Variants in KCNIP4 observed in about 807,000 individuals in gnomAD.
The protein encoded by KCNIP4 is Kv channel-interacting protein 4.
A neutral mutation model predicts 34.0 loss-of-function variants in KCNIP4; 12 were observed. That is an observed-to-expected ratio of 0.35 (90% CI 0.23 to 0.57). The LOEUF (loss-of-function observed/expected upper bound fraction) is 0.57. KCNIP4 is among the 20% of genes least tolerant of loss of function. The pLI, the probability that KCNIP4 is intolerant of heterozygous loss-of-function variation, is 0.83. For synonymous variants in KCNIP4, 124 were observed against 102.2 expected, an observed-to-expected ratio of 1.21 and a Z score of -1.29; for missense variants, 238 against 311.7, an observed-to-expected ratio of 0.76 and a Z score of 1.78.
At chr4:21,358,142 G>C (rs1718847002) in intron 1 of KCNIP4, among the ~76,000 whole-genome samples, 1 of 152,140 alleles carries the variant, frequency 6.6e-6, no homozygotes. Flanking sequence ...ACACAGGGAA[G>C]AGAACATCAC....
chr4:21,541,180 C>CAAAAAAAAAAAAAAAAAAAAGAAAA (rs60459395), intron 1 of KCNIP4, among the ~76,000 whole-genome samples: 1 of 107,500 alleles, frequency 9.3e-6, no homozygotes, highest in Non-Finnish European at 1.9e-5. Context: ...CAAAAGAAAA[C>CAAAAAAAAAAAAAAAAAAAAGAAAA]AAAAAAAAAA....
At chr4:21,629,130 G>A (rs1745537859) in intron 1 of KCNIP4, among the ~76,000 whole-genome samples, 1 of 152,138 alleles carries the variant, frequency 6.6e-6, no homozygotes, top group Non-Finnish European at 1.5e-5. Context: ...AGGAGGGTTT[G>A]CAAAGCAGTG....
chr4:21,842,985 T>G lies in KCNIP4; in HGVS notation c.61+105586A>C, dbSNP rs536513559. Among the ~76,000 whole-genome samples, 27 of 152,216 alleles carry G rather than the reference T, an allele frequency of 1.8e-4. No homozygotes were observed. In the South Asian group the frequency reaches 4.8e-3, roughly 27 times the overall value. On this transcript the variant is annotated intron_variant, in intron 1 of 8. Transcript: ENST00000382152. The stretch of plus-strand genomic sequence containing the variant: ...CAAATAATAAGTGCTCAGTAAAAAT[T>G]AGTGTTTCATACCTACATTTCAGAA...
intron 1 of KCNIP4, among the ~76,000 whole-genome samples, chr4:21,221,635 A>T (rs934005389): frequency 2.6e-5 from 4 of 152,140 alleles, no homozygotes; most frequent in African/African-American, 9.7e-5. Flanking sequence ...GATTATAGGG[A>T]TTGCAATTCA....
At chr4:20,961,192 T>C (rs977007380) in intron 1 of KCNIP4, among the ~76,000 whole-genome samples, 4 of 152,164 alleles carry the variant, frequency 2.6e-5, no homozygotes, top group African/African-American at 9.7e-5. Flanking sequence ...AAAAATAATA[T>C]GCAAGGCAAA....
At chr4:21,631,695 G>A (rs1188188849) in intron 1 of KCNIP4, among the ~76,000 whole-genome samples, 2 of 152,026 alleles carry the variant, frequency 1.3e-5, no homozygotes, top group East Asian at 3.9e-4. Flanking sequence ...CTATCTTTAT[G>A]TGCCCATATT....
At chr4:20,895,907 G>A (rs546915522) in intron 1 of KCNIP4, among the ~76,000 whole-genome samples, 135 of 152,344 alleles carry the variant, frequency 8.9e-4, no homozygotes, top group African/African-American at 3.2e-3. Flanking sequence ...TATGATGCCA[G>A]ATAGGTTTTC....
At chr4:20,889,886 G>C (rs1275702360) in intron 1 of KCNIP4, among the ~76,000 whole-genome samples, 1 of 150,362 alleles carries the variant, frequency 6.7e-6, no homozygotes, top group Non-Finnish European at 1.5e-5. Context: ...AATACAAAAA[G>C]AGATGAAAAA....
intron 1 of KCNIP4, among the ~76,000 whole-genome samples, chr4:21,408,215 A>G (rs1472949069): frequency 6.6e-6 from 1 of 152,204 alleles, no homozygotes; most frequent in African/African-American, 2.4e-5. Flanking sequence ...TGTATTATCC[A>G]GTAATATGAT....
chr4:21,428,620 T>A (rs1340642678), intron 1 of KCNIP4, among the ~76,000 whole-genome samples: 1 of 152,124 alleles, frequency 6.6e-6, no homozygotes, highest in Non-Finnish European at 1.5e-5. Context: ...TAGACGCAAT[T>A]GAAATTGGTA....
intron 1 of KCNIP4, among the ~76,000 whole-genome samples, chr4:21,906,540 T>G (rs1728012739): frequency 6.6e-6 from 1 of 152,116 alleles, no homozygotes; most frequent in African/African-American, 2.4e-5. Context: ...GGCACCTTGA[T>G]TTTGGACTTT....
chr4:21,944,555 TCAAAAAA>T (rs1560194577), intron 1 of KCNIP4, among the ~76,000 whole-genome samples: 1 of 29,136 alleles, frequency 3.4e-5, no homozygotes, highest in African/African-American at 1.5e-4. Context: ...AGACTCCGTC[TCAAAAAA>T]AAAAAAAAAA....
intron 1 of KCNIP4, among the ~76,000 whole-genome samples, chr4:21,555,379 GAA>G (rs960631475): frequency 1.3e-5 from 2 of 152,156 alleles, no homozygotes; most frequent in African/African-American, 4.8e-5. Flanking sequence ...AAAATGCAGT[GAA>G]AAGAGTCTGC....
intron 1 of KCNIP4, among the ~76,000 whole-genome samples, chr4:21,228,643 T>C (rs960102789): frequency 3.9e-5 from 6 of 152,110 alleles, no homozygotes; most frequent in Admixed American, 6.6e-5. Flanking sequence ...TATCTTTTAG[T>C]TCTCTTCTTC....
chr4:21,149,871 G>A (rs1383828944), intron 1 of KCNIP4, among the ~76,000 whole-genome samples: 2 of 152,010 alleles, frequency 1.3e-5, no homozygotes, highest in Non-Finnish European at 2.9e-5. Context: ...GGAGGACAAA[G>A]GAATTATAAA....
intron 1 of KCNIP4, among the ~76,000 whole-genome samples, chr4:21,784,197 C>T (rs1342786353): frequency 6.6e-6 from 1 of 152,024 alleles, no homozygotes; most frequent in East Asian, 1.9e-4. Context: ...AGAACCCACT[C>T]ACTATCACGA....
At chr4:21,725,338 C>G (rs948560935) in intron 1 of KCNIP4, among the ~76,000 whole-genome samples, 1 of 152,098 alleles carries the variant, frequency 6.6e-6, no homozygotes, top group Non-Finnish European at 1.5e-5. Context: ...TAGAGTCAGG[C>G]TGAAAAATTG....
At chr4:21,039,112 C>A (rs908941412) in intron 1 of KCNIP4, among the ~76,000 whole-genome samples, 3 of 152,158 alleles carry the variant, frequency 2.0e-5, no homozygotes, top group Non-Finnish European at 4.4e-5. Flanking sequence ...GTAATCCCAG[C>A]ACTTTGGGAG....
intron 1 of KCNIP4, chr4:21,843,777 A>G (rs1723837310): frequency 6.6e-6 from 1 of 152,110 alleles, no homozygotes; most frequent in Admixed American, 6.6e-5. Flanking sequence ...GACAATTACA[A>G]TTGCAAGTAA....
Sources: allele counts gnomAD v4.1 joint callset (sites outside exome capture counted in the v4.1 genomes callset), GRCh38; gene constraint gnomAD v4.1.1; transcripts MANE v1.5; gene names NCBI Gene and HGNC (gene_info 2026-07-23, HGNC 2026-07-21).